The following TTC7B variants were observed in gnomAD, a reference collection of about 807,000 sequenced individuals.
The protein encoded by TTC7B is tetratricopeptide repeat domain 7B.
TTC7B carries 28 observed loss-of-function variants against 106.8 expected under a neutral mutation model. The observed-to-expected ratio is 0.26, with a 90% CI of 0.19 to 0.36. The LOEUF (loss-of-function observed/expected upper bound fraction) is 0.36, where lower values mean the gene tolerates loss of function less well. Ranked by LOEUF, TTC7B falls within the 10% of genes least tolerant of loss-of-function variation. The pLI, the probability that TTC7B is intolerant of heterozygous loss-of-function variation, is 1.00. For missense variants in TTC7B, 862 were observed against 1,076.4 expected (o/e 0.80, Z 2.79); for synonymous variants, 405 against 430.6 (o/e 0.94, Z 0.74).
At chr14:90,781,496 G>A (rs893755090) in intron 2 of TTC7B, among the ~76,000 whole-genome samples, 13 of 152,088 alleles carry the variant, frequency 8.5e-5, no homozygotes, top group East Asian at 1.9e-4. Flanking sequence ...AAAACCCTGC[G>A]GCTCCCTTCA....
intron 3 of TTC7B, among the ~76,000 whole-genome samples, chr14:90,748,660 T>C (rs965267750): frequency 5.3e-5 from 8 of 152,154 alleles, no homozygotes; most frequent in African/African-American, 1.9e-4. Context: ...ACTTCACATA[T>C]ATATAGTATA....
intron 3 of TTC7B, among the ~76,000 whole-genome samples, chr14:90,754,258 A>T (rs922691992): frequency 6.6e-6 from 1 of 152,174 alleles, no homozygotes; most frequent in African/African-American, 2.4e-5. Context: ...CTAACTCCTG[A>T]GTTCTCGTTC....
At chr14:90,601,568 C>T (rs953033654) in intron 17 of TTC7B, among the ~76,000 whole-genome samples, 1 of 152,186 alleles carries the variant, frequency 6.6e-6, no homozygotes, top group Non-Finnish European at 1.5e-5. Flanking sequence ...AGTCGGTAAT[C>T]TTGATTTTAG....
At position 90,752,779 on chromosome 14, in the gene TTC7B, T is replaced by C. The variant is rs945155171; in HGVS notation, c.446-7857A>G. 5.9e-5 allele frequency among the ~76,000 whole-genome samples: 9 copies of C among 152,376 alleles called. No individual in the cohort carries two copies. In the South Asian group the frequency reaches 1.9e-3, roughly 32 times the overall value. On this transcript the variant is annotated intron_variant, in intron 3 of 19. Coordinates refer to ENST00000328459, the MANE Select transcript of TTC7B (RefSeq NM_001010854.2). ...AATGATAAAGCCAGGTTCCGACCCC[T>C]GGTCTATCTGACTACAAAGTGTTGC...
At chr14:90,661,465 T>C (rs189287649) in intron 9 of TTC7B, among the ~76,000 whole-genome samples, 8 of 151,820 alleles carry the variant, frequency 5.3e-5, no homozygotes, top group Admixed American at 2.0e-4. Context: ...TGGGACTAAG[T>C]AGGGGAGGAC....
chr14:90,637,246 C>A (rs932949573), intron 15 of TTC7B, among the ~76,000 whole-genome samples: 1 of 150,834 alleles, frequency 6.6e-6, no homozygotes, highest in Non-Finnish European at 1.5e-5. Context: ...TATCTTATGC[C>A]AATAAAATTT....
rs559827470 is a variant in TTC7B at position 90,600,464 on chromosome 14, A to G, written c.1967-6838T>C. Among the ~76,000 whole-genome samples, 19 of 152,272 alleles carry G rather than the reference A, an allele frequency of 1.2e-4. No homozygotes were observed. Among genetic ancestry groups the G allele is most frequent in the African/African-American group, 4.6e-4 (19 of 41,552 alleles). On this transcript the variant is annotated intron_variant, in intron 17 of 19. Coordinates refer to ENST00000328459, the MANE Select transcript of TTC7B (RefSeq NM_001010854.2). This position sits in a 1 kb window ranked among gnomAD's most constrained non-coding sequence, Gnocchi z 4.3. ...TGTGGGTTCCTCTGATAAATAAATC[A>G]CCTTGGTCACCATTCTAGTAGACAC...
intron 15 of TTC7B, among the ~76,000 whole-genome samples, chr14:90,641,934 CGTGTGTGTGTGTGTGTGTGT>C (rs145476335): frequency 6.8e-6 from 1 of 146,998 alleles, no homozygotes; most frequent in Non-Finnish European, 1.5e-5. Flanking sequence ...TGTGTGTGTG[CGTGTGTGTGTGTGTGTGTGT>C]GTGTGTGTTG....
At position 90,573,555 on chromosome 14, in the gene TTC7B, TCACGGTCCCTCTC is replaced by T. The variant is rs1279617310; in HGVS notation, c.2310+4538_2310+4550del. Among the ~76,000 whole-genome samples the T allele has an allele frequency of 9.7e-4, 121 of 124,268 alleles. 1 individual carries two copies. The highest frequency in any genetic ancestry group is 3.7e-3 in the African/African-American group (112 of 30,010). The allele number at this position is 124,268 out of a possible 152,430, so 81.5% of individuals were successfully genotyped here. On this transcript the variant is annotated intron_variant, in intron 19 of 19. Coordinates refer to ENST00000328459, the MANE Select transcript of TTC7B (RefSeq NM_001010854.2). ...TCTCAGCTCACGGTCCCTCTCCGGC[TCACGGTCCCTCTC>T]CGGCTCACGGTCCCTCTCCGGCTCA...
chr14:90,573,803 G>A (rs545749221), intron 19 of TTC7B, among the ~76,000 whole-genome samples: 2 of 152,236 alleles, frequency 1.3e-5, no homozygotes, highest in Non-Finnish European at 2.9e-5. Context: ...CAAAGGGACT[G>A]GAGGCGGACC....
At chr14:90,758,777 T>C (rs768521575) in intron 3 of TTC7B, among the ~76,000 whole-genome samples, 2 of 152,158 alleles carry the variant, frequency 1.3e-5, no homozygotes, top group Non-Finnish European at 2.9e-5. Context: ...AATCTGCACC[T>C]GGGAGCCCCT....
At chr14:90,610,164 C>T (rs1304896923) in intron 17 of TTC7B, among the ~76,000 whole-genome samples, 1 of 152,062 alleles carries the variant, frequency 6.6e-6, no homozygotes, top group Admixed American at 6.5e-5. Context: ...AGGGACACTT[C>T]ACCTGTGTCA....
At chr14:90,781,238 T>C (rs986011559) in intron 2 of TTC7B, among the ~76,000 whole-genome samples, 1 of 152,224 alleles carries the variant, frequency 6.6e-6, no homozygotes, top group African/African-American at 2.4e-5. Context: ...TCCACGTGTA[T>C]GAAATGTCCA....
At chr14:90,695,392 C>G (rs543174703) in intron 6 of TTC7B, 108 bp downstream of exon 6, 202 of 418,550 alleles carry the variant, frequency 4.8e-4, no homozygotes, top group Admixed American at 1.2e-3. Context: ...ATTTATAACA[C>G]ATATATGTCA....
intron 3 of TTC7B, among the ~76,000 whole-genome samples, chr14:90,778,359 T>C (rs1009944762): frequency 2.0e-5 from 3 of 152,114 alleles, no homozygotes; most frequent in Non-Finnish European, 4.4e-5. Flanking sequence ...CCACCTTTCA[T>C]GGCAGCCAAA....
intron 19 of TTC7B, among the ~76,000 whole-genome samples, chr14:90,544,323 A>T (rs899558074): frequency 2.0e-5 from 3 of 152,212 alleles, no homozygotes; most frequent in Non-Finnish European, 4.4e-5. Context: ...GTTCCTGCAT[A>T]TGACCAGGTC....
At chr14:90,545,004 T>C (rs984988450) in intron 19 of TTC7B, among the ~76,000 whole-genome samples, 1 of 152,188 alleles carries the variant, frequency 6.6e-6, no homozygotes, top group Non-Finnish European at 1.5e-5. Context: ...GGAGGGTTTT[T>C]CCCCACTGGG....
chr14:90,537,261 A>C lies in TTC7B; in HGVS notation c.*4107T>G, dbSNP rs1299423249. On this transcript the variant is annotated 3_prime_UTR_variant, in exon 20 of 20. Coordinates refer to ENST00000328459, the MANE Select transcript of TTC7B (RefSeq NM_001010854.2). ...CTGGACTGCGGTGGCGTGATCACTCACTGCAGCCTCAACCACCTGGGCTCA... is the reference window on the plus strand; with the variant it reads ...CTGGACTGCGGTGGCGTGATCACTCCCTGCAGCCTCAACCACCTGGGCTCA... 1 of 151,980 alleles carries C rather than the reference A, an allele frequency of 6.6e-6. No individual in the cohort carries two copies. Among genetic ancestry groups the C allele is most frequent in the Non-Finnish European group, 1.5e-5 (1 of 68,024 alleles). The allele number at this position is 151,980 out of a possible 1,614,324, so 9.4% of individuals were successfully genotyped here. A position where few individuals can be genotyped will look rare whatever the true frequency, so the allele number is the denominator to read the frequency against.
chr14:90,617,066 C>T (rs558944057), intron 16 of TTC7B, among the ~76,000 whole-genome samples: 2 of 152,232 alleles, frequency 1.3e-5, no homozygotes, highest in South Asian at 2.1e-4. Flanking sequence ...GGTGTCTGTC[C>T]GTGGAATGCT....
Sources: gnomAD v4.1 joint callset for allele counts (sites outside exome capture counted in the v4.1 genomes callset) on GRCh38, gnomAD v4.1.1 for gene constraint, Gnocchi (gnomAD v3.1) non-coding constraint, MANE v1.5 for transcripts, NCBI Gene and HGNC (gene_info 2026-07-23, HGNC 2026-07-21) for gene names.